Variants in KDM2A observed in about 807,000 individuals in gnomAD.
KDM2A encodes the protein lysine demethylase 2A, also known as lysine-specific demethylase 2A.
Under a neutral mutation model 137.3 loss-of-function variants are expected in KDM2A, and 3 were observed. That is an observed-to-expected ratio of 0.02 (90% CI 0.01 to 0.06). KDM2A has a LOEUF of 0.06. Among genes scored for constraint, KDM2A ranks in the 10% least tolerant of loss-of-function variants. The pLI, the probability that KDM2A is intolerant of heterozygous loss-of-function variation, is 1.00. For missense variants in KDM2A, 738 were observed against 1,510.6 expected, an observed-to-expected ratio of 0.49 and a Z score of 8.48; for synonymous variants, 512 against 541.5, an observed-to-expected ratio of 0.95 and a Z score of 0.76.
chr11:67,119,349 G>A lies in KDM2A; in HGVS notation c.-784G>A. Reference sequence around the variant, plus strand: ...GGAAACAACACCCCTCCCCGGCAGCGGCGGCGGCGGCGGCGGCTCTCGGAG... The same window carrying A: ...GGAAACAACACCCCTCCCCGGCAGCAGCGGCGGCGGCGGCGGCTCTCGGAG... On this transcript the variant is annotated 5_prime_UTR_variant, in exon 1 of 21. Transcript: ENST00000529006. 3 of 162,978 alleles carry A rather than the reference G, an allele frequency of 1.8e-5. No individual in the cohort carries two copies. The highest frequency in any genetic ancestry group is 3.9e-5 in the Non-Finnish European group (3 of 76,386). The allele number at this position is 162,978 out of a possible 1,614,324, so 10.1% of individuals were successfully genotyped here. A position where few individuals can be genotyped will look rare whatever the true frequency, so the allele number is the denominator to read the frequency against.
At chr11:67,172,018 TCTCA>T (rs1856891271) in intron 2 of KDM2A, among the ~76,000 whole-genome samples, 1 of 152,204 alleles carries the variant, frequency 6.6e-6, no homozygotes, top group African/African-American at 2.4e-5. Flanking sequence ...GGAGGCAGGA[TCTCA>T]CTCTGTTATT....
At chr11:67,209,987 G>A (rs1857929021) in intron 6 of KDM2A, among the ~76,000 whole-genome samples, 1 of 151,502 alleles carries the variant, frequency 6.6e-6, no homozygotes, top group South Asian at 2.1e-4. Flanking sequence ...TTGAGCCTGG[G>A]AGGTTGAGGC....
At chr11:67,251,824 A>C (rs185560718) in intron 17 of KDM2A, among the ~76,000 whole-genome samples, 6 of 152,306 alleles carry the variant, frequency 3.9e-5, no homozygotes, top group Admixed American at 3.3e-4. Flanking sequence ...ACATGAGTTT[A>C]TTTCCCAAAT....
At chr11:67,214,314 C>T (rs1168403928) in intron 6 of KDM2A, among the ~76,000 whole-genome samples, 1 of 151,610 alleles carries the variant, frequency 6.6e-6, no homozygotes, top group African/African-American at 2.4e-5. Flanking sequence ...ATGCCATTCT[C>T]CTGCCTCAGC....
chr11:67,209,475 G>A lies in KDM2A; in HGVS notation c.486+1787G>A, dbSNP rs1268409450. Among the ~76,000 whole-genome samples the A allele has an allele frequency of 2.7e-5, 4 of 149,754 alleles. 1 individual carries two copies. The highest frequency in any genetic ancestry group is 4.9e-5 in the African/African-American group (2 of 40,698). ...ATTATTATTTTTGAGACAGGTTCTC[G>A]CTCTGTTGCCCAGGCTTTAGTGCAG... On this transcript the variant is annotated intron_variant, in intron 6 of 20. Transcript: ENST00000529006.
chr11:67,204,115 G>T (rs757834624), intron 5 of KDM2A, among the ~76,000 whole-genome samples: 2 of 152,004 alleles, frequency 1.3e-5, no homozygotes, highest in Non-Finnish European at 2.9e-5. Context: ...CTACATTCTT[G>T]AAGGAAAGCA....
At chr11:67,189,230 G>A (rs1383328519) in intron 5 of KDM2A, among the ~76,000 whole-genome samples, 1 of 152,214 alleles carries the variant, frequency 6.6e-6, no homozygotes, top group Non-Finnish European at 1.5e-5. Flanking sequence ...ACAATGGGAT[G>A]AAGTTAAAAA....
chr11:67,222,059 C>CTTTTTTTTTTTTTTTTTTTTTT, intron 10 of KDM2A, among the ~76,000 whole-genome samples: 1 of 110,530 alleles, frequency 9.0e-6, no homozygotes, highest in Non-Finnish European at 1.8e-5. Context: ...CTCTGTCATT[C>CTTTTTTTTTTTTTTTTTTTTTT]TTTTTTTTTT....
At chr11:67,159,829 G>A (rs750660679) in intron 2 of KDM2A, among the ~76,000 whole-genome samples, 1 of 152,126 alleles carries the variant, frequency 6.6e-6, no homozygotes, top group Non-Finnish European at 1.5e-5. Flanking sequence ...GGGAACATTT[G>A]CAGTTTAGGA....
intron 2 of KDM2A, among the ~76,000 whole-genome samples, chr11:67,167,283 G>A (rs1295333746): frequency 1.3e-5 from 2 of 152,168 alleles, no homozygotes; most frequent in African/African-American, 4.8e-5. Context: ...TGTTGTTGTT[G>A]TTGCAGAGTT....
At chr11:67,194,348 C>G (rs977018395) in intron 5 of KDM2A, among the ~76,000 whole-genome samples, 2 of 152,164 alleles carry the variant, frequency 1.3e-5, no homozygotes, top group African/African-American at 2.4e-5. Context: ...TAGCATCTTT[C>G]AAAACATCTC....
At chr11:67,171,195 T>TA (rs1565387739) in intron 2 of KDM2A, among the ~76,000 whole-genome samples, 1 of 152,198 alleles carries the variant, frequency 6.6e-6, no homozygotes, top group Non-Finnish European at 1.5e-5. Context: ...AGATTTGTGA[T>TA]ACATAGAAGT....
chr11:67,122,643 T>TTTTA (rs561153207), intron 2 of KDM2A, among the ~76,000 whole-genome samples: 8,534 of 144,616 alleles, frequency 0.059, 322 homozygotes, highest in East Asian at 0.11. Context: ...TTTTATTTAT[T>TTTTA]TTTATTTATT....
In KDM2A at chr11:67,255,638, C is replaced by T. The variant is rs1309595383; in HGVS notation, c.*583C>T. On this transcript the variant is annotated 3_prime_UTR_variant, in exon 21 of 21. Coordinates refer to ENST00000529006, the MANE Select transcript of KDM2A (RefSeq NM_012308.3). ...TCCTTAACTGTGCTCTCCCTCCTTT[C>T]CTCTCCCTTGAGCTTGGTTCTGCCC... is the stretch of plus-strand genomic sequence containing the variant. The T allele has an allele frequency of 4.4e-6, 2 of 452,238 alleles. No homozygotes were observed. The highest frequency in any genetic ancestry group is 4.7e-5 in the Admixed American group (2 of 42,198). 28.0% of individuals were successfully genotyped at this position (452,238 alleles called of 1,614,324 possible).
chr11:67,186,463 T>C (rs1046356549), intron 5 of KDM2A, among the ~76,000 whole-genome samples: 1 of 152,140 alleles, frequency 6.6e-6, no homozygotes, highest in African/African-American at 2.4e-5. Flanking sequence ...AAACAAAAGC[T>C]AAGGAAACTT....
chr11:67,247,240 C>T (rs1859277481), intron 15 of KDM2A, among the ~76,000 whole-genome samples: 1 of 148,586 alleles, frequency 6.7e-6, no homozygotes, highest in South Asian at 2.1e-4. Flanking sequence ...CAAGCACGTG[C>T]CACTGCGCCC....
intron 11 of KDM2A, among the ~76,000 whole-genome samples, chr11:67,231,104 G>C (rs1005739564): frequency 9.2e-5 from 14 of 151,920 alleles, no homozygotes; most frequent in Admixed American, 5.9e-4. Flanking sequence ...CCACAGTCAT[G>C]CATCACTATA....
At chr11:67,149,790 G>T (rs998891474) in intron 2 of KDM2A, among the ~76,000 whole-genome samples, 1 of 147,774 alleles carries the variant, frequency 6.8e-6, no homozygotes. Context: ...ATACGATCTC[G>T]GCTCACTGCA....
intron 2 of KDM2A, among the ~76,000 whole-genome samples, chr11:67,128,009 CTTTT>C (rs56704753): frequency 1.9e-5 from 2 of 107,886 alleles, no homozygotes; most frequent in Admixed American, 9.9e-5. Context: ...CACACCCGGC[CTTTT>C]TTTTTTTTTT....
Sources: allele counts gnomAD v4.1 joint callset (sites outside exome capture counted in the v4.1 genomes callset), GRCh38; gene constraint gnomAD v4.1.1; transcripts MANE v1.5; gene names NCBI Gene and HGNC (gene_info 2026-07-23, HGNC 2026-07-21).